RGS3: variants seen among roughly 807,000 people sequenced by gnomAD.
RGS3 encodes regulator of G-protein signalling 3.
Under a neutral mutation model 132.6 loss-of-function variants are expected in RGS3, and 80 were observed. That is an observed-to-expected ratio of 0.60 (90% CI 0.50 to 0.73). RGS3 has a LOEUF of 0.73. Among genes scored for constraint, RGS3 ranks in the 30% least tolerant of loss-of-function variants. The pLI, the probability that RGS3 is intolerant of heterozygous loss-of-function variation, is 0.00. For missense variants in RGS3, 1,382 were observed against 1,530.8 expected (o/e 0.90, Z 1.62); for synonymous variants, 598 against 620.6 (o/e 0.96, Z 0.54).
chr9:113,583,851 C>T, exon 20 of RGS3: 3 of 1,613,990 alleles, frequency 1.9e-6, no homozygotes, highest in Non-Finnish European at 1.7e-6. Context: ...ACCTTCCACC[C>T]TGTCAAGATC....
intron 19 of RGS3, among the ~76,000 whole-genome samples, chr9:113,551,092 A>G (rs1181473411): frequency 6.6e-6 from 1 of 152,208 alleles, no homozygotes; most frequent in East Asian, 1.9e-4. Context: ...TTATCTCAAA[A>G]AGAAATCATA....
Position 113,510,648 on chromosome 9 carries a change from T to C in RGS3, c.1477+2068T>C, listed in dbSNP as rs114420268. Among the ~76,000 whole-genome samples the C allele has an allele frequency of 1.4e-3, 220 of 152,292 alleles. 1 individual carries two copies. The highest frequency in any genetic ancestry group is 4.8e-3 in the African/African-American group (200 of 41,542). On this transcript the variant is annotated intron_variant, in intron 14 of 24. Coordinates refer to ENST00000350696, the Ensembl canonical transcript of RGS3. Reference sequence around the variant, plus strand: ...GTGTCTCCCTTCTGTGCTCCCAGCCTGTATCCATGTTTCATTCCCCTCTGA... The same window carrying C: ...GTGTCTCCCTTCTGTGCTCCCAGCCCGTATCCATGTTTCATTCCCCTCTGA...
chr9:113,571,028 T>C (rs1435944918), intron 19 of RGS3, among the ~76,000 whole-genome samples: 1 of 152,274 alleles, frequency 6.6e-6, no homozygotes, highest in Middle Eastern at 3.2e-3. Context: ...TGCTGACTTC[T>C]TTTGATCAGC....
At chr9:113,451,318 C>G (rs1011685095) in intron 1 of RGS3, among the ~76,000 whole-genome samples, 1 of 152,146 alleles carries the variant, frequency 6.6e-6, no homozygotes, top group African/African-American at 2.4e-5. Context: ...AGTTTCCAAT[C>G]AGATTTCCCT....
At chr9:113,559,940 T>C (rs1003454516) in intron 19 of RGS3, among the ~76,000 whole-genome samples, 9 of 152,216 alleles carry the variant, frequency 5.9e-5, no homozygotes, top group African/African-American at 2.2e-4. Context: ...ATGGCTCTTA[T>C]TTATTGAGCA....
intron 18 of RGS3, among the ~76,000 whole-genome samples, chr9:113,530,996 A>G (rs1455572380): frequency 6.6e-6 from 1 of 152,208 alleles, no homozygotes; most frequent in African/African-American, 2.4e-5. Context: ...ATTGCCTGAC[A>G]TGCAGGTGGC....
chr9:113,512,374 C>CA (rs1295036302), intron 14 of RGS3, among the ~76,000 whole-genome samples: 1 of 152,144 alleles, frequency 6.6e-6, no homozygotes, highest in Non-Finnish European at 1.5e-5. Flanking sequence ...ATCCAGGGCT[C>CA]ATGCTCATTC....
intron 7 of RGS3, among the ~76,000 whole-genome samples, chr9:113,492,265 C>T (rs1174374417): frequency 6.6e-6 from 1 of 152,148 alleles, no homozygotes; most frequent in Non-Finnish European, 1.5e-5. Context: ...GAAGTTACTT[C>T]AAAGCCTTTG....
At chr9:113,486,749 A>T (rs1830344648) in intron 7 of RGS3, among the ~76,000 whole-genome samples, 2 of 152,270 alleles carry the variant, frequency 1.3e-5, no homozygotes, top group African/African-American at 4.8e-5. Flanking sequence ...TTTGGGTTCA[A>T]TGCTCTTTAG....
chr9:113,589,324 C>G (rs1835289679), intron 20 of RGS3: 1 of 152,272 alleles, frequency 6.6e-6, no homozygotes, highest in East Asian at 1.9e-4. Flanking sequence ...GGAATCAGAA[C>G]CCGATTTTTT....
intron 7 of RGS3, among the ~76,000 whole-genome samples, chr9:113,491,375 A>G (rs1048741143): frequency 6.6e-6 from 1 of 151,788 alleles, no homozygotes; most frequent in Non-Finnish European, 1.5e-5. Flanking sequence ...CAGCCTCCCA[A>G]GTAGCTGGCA....
chr9:113,594,216 G>T, intron 21 of RGS3: 1 of 1,612,898 alleles, frequency 6.2e-7, no homozygotes, highest in Non-Finnish European at 8.5e-7. Context: ...TGGGGGACAG[G>T]AGCCAGAGTG....
intron 19 of RGS3, among the ~76,000 whole-genome samples, chr9:113,552,403 G>A (rs1280725134): frequency 6.6e-6 from 1 of 151,908 alleles, no homozygotes; most frequent in African/African-American, 2.4e-5. Context: ...TGCAAGACCC[G>A]CCTCCCGGGT....
chr9:113,531,864 A>G (rs1449236845), intron 18 of RGS3, among the ~76,000 whole-genome samples: 3 of 152,248 alleles, frequency 2.0e-5, no homozygotes, highest in Admixed American at 6.5e-5. Flanking sequence ...ACTGAATTAA[A>G]TGACAGAATT....
At chr9:113,594,782 C>A in intron 22 of RGS3, 137 bp from the exon 21 acceptor site, 1 of 818,246 alleles carries the variant, frequency 1.2e-6, no homozygotes, top group Non-Finnish European at 2.0e-6. Context: ...AGAGGGTGGG[C>A]CTCCTTCCTG....
At chr9:113,548,517 T>C (rs1185675851) in intron 19 of RGS3, among the ~76,000 whole-genome samples, 1 of 152,134 alleles carries the variant, frequency 6.6e-6, no homozygotes, top group Admixed American at 6.5e-5. Context: ...GTTCTAAAAA[T>C]AGCAGTGGGA....
chr9:113,554,360 C>T (rs184652263), intron 19 of RGS3, among the ~76,000 whole-genome samples: 176 of 152,326 alleles, frequency 1.2e-3, no homozygotes, highest in Non-Finnish European at 1.9e-3. Context: ...GGCTGGAGTG[C>T]GGTGGCGCCA....
At chr9:113,448,022 T>C (rs766600316) in intron 1 of RGS3, among the ~76,000 whole-genome samples, 47 of 151,942 alleles carry the variant, frequency 3.1e-4, no homozygotes, top group Admixed American at 1.3e-3. Context: ...CATGCCCAGC[T>C]ATTTTTTATA....
At chr9:113,512,015 A>T (rs1831426103) in intron 14 of RGS3, among the ~76,000 whole-genome samples, 1 of 152,134 alleles carries the variant, frequency 6.6e-6, no homozygotes, top group Non-Finnish European at 1.5e-5. Context: ...ACTGTGGTAC[A>T]ATCCACCAAG....
Sources: allele counts gnomAD v4.1 joint callset (sites outside exome capture counted in the v4.1 genomes callset), GRCh38; gene constraint gnomAD v4.1.1; transcripts MANE v1.5; gene names NCBI Gene and HGNC (gene_info 2026-07-23, HGNC 2026-07-21).